Variants in PATJ observed in about 807,000 individuals in gnomAD.
PATJ encodes PATJ crumbs cell polarity complex component.
PATJ carries 190 observed loss-of-function variants against 224.9 expected under a neutral mutation model. The ratio of observed to expected loss-of-function variants is 0.84; its 90% CI spans 0.75 to 0.95. The LOEUF (loss-of-function observed/expected upper bound fraction) is 0.95, where lower values mean the gene tolerates loss of function less well. Ranked by LOEUF, PATJ falls within the 40% of genes least tolerant of loss-of-function variation. The pLI is 0.00. For synonymous variants in PATJ, 769 were observed against 820.3 expected (o/e 0.94, Z 1.07); for missense variants, 2,121 against 2,270.3 (o/e 0.93, Z 1.34).
intron 33 of PATJ, among the ~76,000 whole-genome samples, chr1:62,107,018 T>TC (rs1198315058): frequency 6.6e-6 from 1 of 151,982 alleles, no homozygotes; most frequent in Admixed American, 6.6e-5. Flanking sequence ...AAAAGCTGTG[T>TC]CCCTCTCGGC....
intron 7 of PATJ, among the ~76,000 whole-genome samples, chr1:61,781,297 T>C: frequency 6.6e-6 from 1 of 152,232 alleles, no homozygotes; most frequent in Non-Finnish European, 1.5e-5. Flanking sequence ...CTAGGGCATA[T>C]GGTAAGGCCT....
intron 41 of PATJ, among the ~76,000 whole-genome samples, chr1:62,134,282 T>C (rs1447358430): frequency 7.2e-6 from 1 of 139,610 alleles, no homozygotes; most frequent in African/African-American, 2.7e-5. Context: ...CACCTCAGCC[T>C]CCCAAAGTGC....
intron 29 of PATJ, among the ~76,000 whole-genome samples, chr1:62,022,573 G>A (rs1035606472): frequency 2.6e-5 from 4 of 152,164 alleles, no homozygotes; most frequent in Non-Finnish European, 5.9e-5. Context: ...CAAATGAATT[G>A]CTGTATTTGG....
chr1:61,822,538 C>T (rs1229923010), intron 14 of PATJ, among the ~76,000 whole-genome samples: 1 of 151,812 alleles, frequency 6.6e-6, no homozygotes, highest in East Asian at 1.9e-4. Flanking sequence ...GGCTCATGAA[C>T]TCAGGGCTTC....
chr1:61,901,388 A>G lies in PATJ; in HGVS notation c.3310A>G (p.Ile1104Val), dbSNP rs1274308833. 18 of 1,586,936 alleles carry G rather than the reference A, an allele frequency of 1.1e-5. No individual in the cohort carries two copies. The highest frequency in any genetic ancestry group is 1.5e-5 in the Non-Finnish European group (18 of 1,170,702). The change falls in exon 24 of 44, where the codon ATC becomes GTC. Residue 1104 changes from isoleucine to valine, a missense_variant. Physicochemically the swap from Ile to Val is conservative, Grantham distance 29 (BLOSUM62 3). Transcript: ENST00000642238. Reference protein sequence around the residue: ...KNGEELKGIFIKQVLEDSPAG... With the variant: ...KNGEELKGIFVKQVLEDSPAG... ...TGGAGAGGAGCTTAAAGGTATATTC[A>G]TCAAACAAGTTTTAGAAGACAGTCC...
chr1:62,087,687 A>T (rs182733602), intron 33 of PATJ, among the ~76,000 whole-genome samples: 9 of 151,610 alleles, frequency 5.9e-5, no homozygotes, highest in African/African-American at 2.2e-4. Context: ...CCACCCTGCT[A>T]GTGAACCACC....
intron 32 of PATJ, among the ~76,000 whole-genome samples, chr1:62,080,825 G>T (rs1030010378): frequency 2.0e-5 from 3 of 152,090 alleles, no homozygotes; most frequent in East Asian, 1.9e-4. Flanking sequence ...AAGCATTGTA[G>T]ATGTACTAAA....
intron 41 of PATJ, among the ~76,000 whole-genome samples, chr1:62,134,771 C>T (rs188812405): frequency 6.6e-6 from 1 of 152,296 alleles, no homozygotes; most frequent in Admixed American, 6.5e-5. Flanking sequence ...GTGTCTGTGC[C>T]TCGGGCGCAG....
chr1:61,892,224 G>A (rs1191076836), intron 22 of PATJ, among the ~76,000 whole-genome samples: 1 of 152,094 alleles, frequency 6.6e-6, no homozygotes, highest in East Asian at 1.9e-4. Context: ...TATAGAATGT[G>A]TATTTAAGGA....
chr1:61,975,759 C>T (rs1307642205), intron 27 of PATJ, among the ~76,000 whole-genome samples: 1 of 151,952 alleles, frequency 6.6e-6, no homozygotes, highest in East Asian at 1.9e-4. Context: ...TCAGGCTTAT[C>T]GTCTCCTTCA....
At chr1:62,092,051 C>CAAAAA (rs574301543) in intron 33 of PATJ, among the ~76,000 whole-genome samples, 16 of 83,716 alleles carry the variant, frequency 1.9e-4, no homozygotes, top group Non-Finnish European at 4.2e-4. Context: ...GACCCTGTCT[C>CAAAAA]AAAAAAAAAA....
At chr1:61,984,441 C>CATGAG (rs1344762472) in intron 27 of PATJ, among the ~76,000 whole-genome samples, 1 of 151,990 alleles carries the variant, frequency 6.6e-6, no homozygotes, top group African/African-American at 2.4e-5. Context: ...GGATTACAGG[C>CATGAG]ATGAGCCCCT....
rs142553768 is a variant in PATJ, at chr1:61,901,369, G to A, written c.3291G>A (p.Glu1097=). Residue 1097 remains glutamate (E), a synonymous_variant, in exon 24 of 44, where the codon GAG becomes GAA. Coordinates refer to ENST00000642238, the MANE Select transcript of PATJ (RefSeq NM_001350145.3). ...TTATAAAACGTCTAAAGAATGGAGA[G>A]GAGCTTAAAGGTATATTCATCAAAC... ...QTVIKRLKNG[E]ELKGIFIKQV... The A allele has an allele frequency of 1.4e-5, 22 of 1,587,412 alleles. No individual in the cohort carries two copies. The African/African-American group carries it at 2.6e-4, about 19-fold the overall frequency.
chr1:61,830,457 T>C (rs1353353333), intron 16 of PATJ, among the ~76,000 whole-genome samples: 1 of 102,316 alleles, frequency 9.8e-6, no homozygotes, highest in Non-Finnish European at 2.2e-5. Flanking sequence ...GATTCAGTGC[T>C]ATTTCTGTGA....
At chr1:62,083,538 C>T (rs1659553956) in intron 32 of PATJ, among the ~76,000 whole-genome samples, 1 of 152,086 alleles carries the variant, frequency 6.6e-6, no homozygotes, top group African/African-American at 2.4e-5. Flanking sequence ...AACATTTTTT[C>T]CCTCACTCTT....
At chr1:62,130,481 C>G (rs977682627) in intron 41 of PATJ, among the ~76,000 whole-genome samples, 1 of 151,638 alleles carries the variant, frequency 6.6e-6, no homozygotes. Context: ...GCCTGGGCAA[C>G]ATGGTATGAT....
intron 39 of PATJ, among the ~76,000 whole-genome samples, chr1:62,125,598 GATGGATTTAAACAAAGC>G (rs1182400761): frequency 2.0e-5 from 3 of 152,148 alleles, no homozygotes; most frequent in African/African-American, 7.2e-5. Flanking sequence ...GAAACATCAT[GATGGATTTAAACAAAGC>G]CAAAACATTA....
At chr1:62,041,124 G>A (rs1179764693) in intron 30 of PATJ, among the ~76,000 whole-genome samples, 1 of 152,184 alleles carries the variant, frequency 6.6e-6, no homozygotes, top group African/African-American at 2.4e-5. Context: ...ACAACTGGCA[G>A]ATAAAGGCTA....
chr1:61,745,627 G>A (rs1017230364), intron 1 of PATJ, among the ~76,000 whole-genome samples: 9 of 145,674 alleles, frequency 6.2e-5, no homozygotes, highest in Non-Finnish European at 9.0e-5. Flanking sequence ...ATTTGGAGAC[G>A]GAGTCTTGCT....
Sources: gnomAD v4.1 joint callset for allele counts (sites outside exome capture counted in the v4.1 genomes callset) on GRCh38, gnomAD v4.1.1 for gene constraint, MANE v1.5 for transcripts, NCBI Gene and HGNC (gene_info 2026-07-23, HGNC 2026-07-21) for gene names.